COL22A1: variants seen among roughly 807,000 people sequenced by gnomAD.
The protein encoded by COL22A1 is collagen alpha-1(XXII) chain.
A neutral mutation model predicts 248.9 loss-of-function variants in COL22A1; 221 were observed. The ratio of observed to expected loss-of-function variants is 0.89; its 90% confidence interval spans 0.80 to 0.99. COL22A1 has a LOEUF of 0.99. Ranked by LOEUF, COL22A1 falls within the 50% of genes least tolerant of loss-of-function variation. The pLI is 0.00. For missense variants in COL22A1, 2,240 were observed against 2,179.0 expected, an observed-to-expected ratio of 1.03 and a Z score of -0.56; for synonymous variants, 891 against 793.4, an observed-to-expected ratio of 1.12 and a Z score of -2.07.
chr8:138,872,478 G>C (rs1204749866), intron 3 of COL22A1, among the ~76,000 whole-genome samples: 1 of 152,208 alleles, frequency 6.6e-6, no homozygotes, highest in African/African-American at 2.4e-5. Context: ...CCTCAAAATA[G>C]AAGTAGGTGG....
At chr8:138,704,005 G>A (rs946305678) in intron 30 of COL22A1, among the ~76,000 whole-genome samples, 8 of 152,320 alleles carry the variant, frequency 5.3e-5, no homozygotes, top group Admixed American at 3.3e-4. Context: ...AAGGTCCCAC[G>A]TCCACAGAGC....
At chr8:138,775,808 A>G (rs1262168068) in intron 16 of COL22A1, among the ~76,000 whole-genome samples, 158 bp downstream of exon 16, 1 of 152,198 alleles carries the variant, frequency 6.6e-6, no homozygotes, top group Non-Finnish European at 1.5e-5. Flanking sequence ...TGCCACATGC[A>G]CACATACACA....
At chr8:138,705,460 G>C (rs1457990414) in intron 30 of COL22A1, among the ~76,000 whole-genome samples, 7 of 152,208 alleles carry the variant, frequency 4.6e-5, no homozygotes, top group African/African-American at 1.2e-4. Flanking sequence ...AGCCAGAAGA[G>C]AGTAGGGGCC....
chr8:138,891,479 C>T (rs553627810), intron 1 of COL22A1, among the ~76,000 whole-genome samples: 9 of 152,326 alleles, frequency 5.9e-5, no homozygotes, highest in East Asian at 5.8e-4. Context: ...AAACCATTTA[C>T]GTACATTACA....
chr8:138,644,401 G>A lies in COL22A1; in HGVS notation c.3501+2228C>T, dbSNP rs140712974. 3.6e-3 allele frequency among the ~76,000 whole-genome samples: 541 copies of A among 152,138 alleles called. 2 individuals are homozygous for A. The highest frequency in any genetic ancestry group is 0.011 in the African/African-American group (477 of 41,514). ...ATATGCGGCTGCCACCACTGTGACC[G>A]TAAGGGCTAAAAAAGCTAATGTCAA... On this transcript the variant is annotated intron_variant, in intron 47 of 64. Coordinates refer to ENST00000303045, the MANE Select transcript of COL22A1 (RefSeq NM_152888.3).
At chr8:138,706,587 A>C (rs1464008448) in intron 30 of COL22A1, among the ~76,000 whole-genome samples, 2 of 152,224 alleles carry the variant, frequency 1.3e-5, no homozygotes, top group African/African-American at 4.8e-5. Context: ...CTTTGAAACC[A>C]ATGAGAACAG....
intron 23 of COL22A1, among the ~76,000 whole-genome samples, chr8:138,733,767 C>A (rs760323152): frequency 6.6e-6 from 1 of 152,156 alleles, no homozygotes; most frequent in Non-Finnish European, 1.5e-5. Context: ...GCTTTCACAT[C>A]TTGAGGCCTT....
chr8:138,817,608 C>G (rs1378736715), intron 7 of COL22A1, among the ~76,000 whole-genome samples: 1 of 152,164 alleles, frequency 6.6e-6, no homozygotes, highest in Non-Finnish European at 1.5e-5. Context: ...AAACTCAGGT[C>G]TGATTTCCAA....
At chr8:138,885,033 C>CAT (rs1491433731) in intron 1 of COL22A1, among the ~76,000 whole-genome samples, 2 of 151,976 alleles carry the variant, frequency 1.3e-5, no homozygotes, top group African/African-American at 4.8e-5. Flanking sequence ...CACACACACA[C>CAT]GCACACACAC....
At chr8:138,722,967 T>C (rs1380859119) in intron 25 of COL22A1, among the ~76,000 whole-genome samples, 1 of 148,998 alleles carries the variant, frequency 6.7e-6, no homozygotes, top group African/African-American at 2.5e-5. Flanking sequence ...AATACCCAGG[T>C]GATGGGTTGA....
chr8:138,854,945 G>T (rs927742285), intron 3 of COL22A1, among the ~76,000 whole-genome samples: 1 of 152,044 alleles, frequency 6.6e-6, no homozygotes, highest in Non-Finnish European at 1.5e-5. Context: ...GGTGATGATG[G>T]TGATGATGGA....
intron 28 of COL22A1, 130 bp from the exon 29 acceptor site, chr8:138,716,419 A>C: frequency 1.5e-6 from 1 of 660,294 alleles, no homozygotes; most frequent in Non-Finnish European, 2.6e-6. Flanking sequence ...ATCACATGGA[A>C]AGCAATGCAG....
At chr8:138,677,506 C>A (rs946740368) in intron 40 of COL22A1, among the ~76,000 whole-genome samples, 1 of 93,152 alleles carries the variant, frequency 1.1e-5, no homozygotes, top group Non-Finnish European at 2.2e-5. Flanking sequence ...TGGCCAAGGC[C>A]GAGCCACGCC....
intron 36 of COL22A1, among the ~76,000 whole-genome samples, chr8:138,690,171 A>G (rs1201934806): frequency 1.3e-5 from 2 of 151,234 alleles, no homozygotes; most frequent in Non-Finnish European, 3.0e-5. Context: ...TTGATGAAGA[A>G]ACAAGACTGA....
intron 35 of COL22A1, among the ~76,000 whole-genome samples, chr8:138,692,434 C>A (rs975365649): frequency 3.8e-5 from 5 of 130,452 alleles, no homozygotes; most frequent in Non-Finnish European, 8.3e-5. Flanking sequence ...TACGTGTGTG[C>A]ATGTGTGTGG....
intron 52 of COL22A1, among the ~76,000 whole-genome samples, chr8:138,620,941 G>GCATCCATCCATCCATC (rs754305152): frequency 7.9e-6 from 1 of 126,742 alleles, no homozygotes; most frequent in Non-Finnish European, 1.7e-5. Flanking sequence ...AACCAACCAA[G>GCATCCATCCATCCATC]CATCCATCCA....
At chr8:138,680,992 G>T (rs1049631905) in intron 39 of COL22A1, among the ~76,000 whole-genome samples, 1 of 148,370 alleles carries the variant, frequency 6.7e-6, no homozygotes, top group Admixed American at 7.0e-5. Context: ...TCTTCCCCCC[G>T]GGGGGGGTCT....
At chr8:138,757,451 ATAT>A (rs1348270126) in intron 18 of COL22A1, among the ~76,000 whole-genome samples, 4 of 136,584 alleles carry the variant, frequency 2.9e-5, no homozygotes, top group African/African-American at 1.1e-4. Flanking sequence ...ATTTCTCATA[ATAT>A]TATTATTATA....
intron 3 of COL22A1, among the ~76,000 whole-genome samples, chr8:138,865,921 GTATATGTGTGTGTA>G (rs1563861147): frequency 6.7e-6 from 1 of 149,728 alleles, no homozygotes; most frequent in Non-Finnish European, 1.5e-5. Context: ...GCATGTGAGT[GTATATGTGTGTGTA>G]TGTTTGTGTA....
Sources: gnomAD v4.1 joint callset for allele counts (sites outside exome capture counted in the v4.1 genomes callset) on GRCh38, gnomAD v4.1.1 for gene constraint, MANE v1.5 for transcripts, NCBI Gene and HGNC (gene_info 2026-07-23, HGNC 2026-07-21) for gene names.